The following PHLDB2 variants were observed in gnomAD, a reference collection of about 807,000 sequenced individuals.
PHLDB2 encodes pleckstrin homology like domain family B member 2, also known as pleckstrin homology-like domain family B member 2.
PHLDB2 carries 71 observed loss-of-function variants against 123.6 expected under a neutral mutation model. The ratio of observed to expected loss-of-function variants is 0.57; its 90% CI spans 0.47 to 0.70. PHLDB2 has a LOEUF of 0.70. PHLDB2 is among the 30% of genes least tolerant of loss of function. PHLDB2 has a pLI of 0.00. For synonymous variants in PHLDB2, 547 were observed against 541.6 expected (o/e 1.01, Z -0.14); for missense variants, 1,446 against 1,519.5 (o/e 0.95, Z 0.80).
chr3:111,962,362 C>T, intron 13 of PHLDB2, 50 bp downstream of exon 13: 1 of 1,545,724 alleles, frequency 6.5e-7, no homozygotes, highest in Non-Finnish European at 8.8e-7. Flanking sequence ...GAGCCTACTG[C>T]TCACAAAAAG....
At chr3:111,865,377 C>T (rs986634874) in intron 1 of PHLDB2, among the ~76,000 whole-genome samples, 3 of 152,188 alleles carry the variant, frequency 2.0e-5, no homozygotes, top group Admixed American at 1.3e-4. Flanking sequence ...ATGTCATGGG[C>T]AACAGTCCGG....
At chr3:111,791,954 C>T (rs1208773550) in intron 1 of PHLDB2, among the ~76,000 whole-genome samples, 1 of 152,166 alleles carries the variant, frequency 6.6e-6, no homozygotes, top group Non-Finnish European at 1.5e-5. Flanking sequence ...ACCCATTAAC[C>T]ATAACCTCTT....
chr3:111,765,624 A>G (rs538139601), intron 1 of PHLDB2, among the ~76,000 whole-genome samples: 1 of 152,340 alleles, frequency 6.6e-6, no homozygotes, highest in Non-Finnish European at 1.5e-5. Flanking sequence ...TTACATAAAT[A>G]TAGAAGCTAA....
chr3:111,876,713 C>T (rs990815192), intron 1 of PHLDB2, among the ~76,000 whole-genome samples: 20 of 152,034 alleles, frequency 1.3e-4, no homozygotes, highest in Non-Finnish European at 2.2e-4. Flanking sequence ...AATGCTATCC[C>T]GCCCCTAGCC....
chr3:111,914,668 G>C (rs1228452275), intron 3 of PHLDB2: 1 of 151,972 alleles, frequency 6.6e-6, no homozygotes, highest in East Asian at 1.9e-4. Context: ...AGTAGTAAGA[G>C]CTGTTTGTGG....
intron 9 of PHLDB2, among the ~76,000 whole-genome samples, chr3:111,946,901 G>A (rs1308289802): frequency 6.6e-6 from 1 of 152,224 alleles, no homozygotes; most frequent in African/African-American, 2.4e-5. Flanking sequence ...CTGGTGGCTT[G>A]AATTGGAGGA....
At chr3:111,743,532 GAGA>G (rs2059637284) in intron 1 of PHLDB2, among the ~76,000 whole-genome samples, 1 of 152,200 alleles carries the variant, frequency 6.6e-6, no homozygotes, top group East Asian at 1.9e-4. Flanking sequence ...TAAAAATCTA[GAGA>G]AGTAGCAGTG....
upstream of PHLDB2, among the ~76,000 whole-genome samples, chr3:111,854,517 A>G (rs1199568195): frequency 6.6e-6 from 1 of 152,232 alleles, no homozygotes; most frequent in African/African-American, 2.4e-5. Flanking sequence ...AAATGAGTTA[A>G]TAGCTACAAA....
intron 1 of PHLDB2, among the ~76,000 whole-genome samples, chr3:111,843,945 T>C (rs2063813418): frequency 6.6e-6 from 1 of 152,242 alleles, no homozygotes; most frequent in African/African-American, 2.4e-5. Flanking sequence ...AAACAATGTA[T>C]GTAAACTCAG....
At chr3:111,766,705 G>C (rs560852854) in intron 1 of PHLDB2, among the ~76,000 whole-genome samples, 1 of 152,140 alleles carries the variant, frequency 6.6e-6, no homozygotes, top group South Asian at 2.1e-4. Context: ...GGTAGTGCGG[G>C]CTGCAGAGGC....
intron 1 of PHLDB2, among the ~76,000 whole-genome samples, chr3:111,830,467 T>C (rs746104620): frequency 3.9e-4 from 56 of 142,934 alleles, no homozygotes; most frequent in Middle Eastern, 3.8e-3. Context: ...TGGGTATGTA[T>C]AAATCTTTTG....
At chr3:111,778,588 T>A (rs2060310169) in intron 1 of PHLDB2, 1 of 152,088 alleles carries the variant, frequency 6.6e-6, no homozygotes, top group African/African-American at 2.4e-5. Context: ...GAGCCGTAAC[T>A]GCCCTTTCTA....
chr3:111,971,093 G>A (rs1337754322), intron 16 of PHLDB2, among the ~76,000 whole-genome samples: 5 of 152,140 alleles, frequency 3.3e-5, no homozygotes, highest in Admixed American at 2.0e-4. Flanking sequence ...CCCCTGCTTT[G>A]CCTCTCTAAG....
intron 1 of PHLDB2, among the ~76,000 whole-genome samples, chr3:111,760,761 A>G (rs544077289): frequency 1.3e-5 from 2 of 152,146 alleles, no homozygotes; most frequent in Non-Finnish European, 2.9e-5. Flanking sequence ...AGCTTAGATT[A>G]AAAAACTGAA....
At chr3:111,795,453 C>T (rs1387360390) in intron 1 of PHLDB2, among the ~76,000 whole-genome samples, 1 of 152,206 alleles carries the variant, frequency 6.6e-6, no homozygotes, top group African/African-American at 2.4e-5. Context: ...AGAGTCTCCA[C>T]ACAGTCCTTC....
intron 15 of PHLDB2, 81 bp from the exon 16 acceptor site, chr3:111,969,609 T>A: frequency 8.8e-7 from 1 of 1,141,482 alleles, no homozygotes; most frequent in Non-Finnish European, 1.3e-6. Context: ...GTTTTACAGT[T>A]AATTTCTGCT....
chr3:111,777,975 G>T (rs2060296317), intron 1 of PHLDB2, among the ~76,000 whole-genome samples: 1 of 151,832 alleles, frequency 6.6e-6, no homozygotes, highest in Non-Finnish European at 1.5e-5. Context: ...AACTCCAGCA[G>T]ATATGTTTTA....
At chr3:111,913,198 G>A (rs1167832327) in intron 2 of PHLDB2, 121 bp from the exon 3 acceptor site, 2 of 1,092,060 alleles carry the variant, frequency 1.8e-6, no homozygotes, top group Non-Finnish European at 2.6e-6. Flanking sequence ...CACCAGCCAA[G>A]TGTTTGTGGG....
At chr3:111,813,249 A>G (rs1405343206) in intron 1 of PHLDB2, among the ~76,000 whole-genome samples, 1 of 152,200 alleles carries the variant, frequency 6.6e-6, no homozygotes, top group African/African-American at 2.4e-5. Flanking sequence ...GTTAATAACA[A>G]TGTATTGTAC....
Sources: allele counts gnomAD v4.1 joint callset (sites outside exome capture counted in the v4.1 genomes callset), GRCh38; gene constraint gnomAD v4.1.1; transcripts MANE v1.5; gene names NCBI Gene and HGNC (gene_info 2026-07-23, HGNC 2026-07-21).